Variants in HTR1F observed in about 807,000 individuals in gnomAD.
HTR1F encodes 5-hydroxytryptamine (serotonin) receptor 1F, G protein-coupled.
HTR1F carries 17 observed loss-of-function variants against 24.0 expected under a neutral mutation model. The observed-to-expected ratio is 0.71, with a 90% CI of 0.48 to 1.06. HTR1F has a LOEUF of 1.06. Among genes scored for constraint, HTR1F ranks in the 50% least tolerant of loss-of-function variants. HTR1F has a pLI of 0.00. For synonymous variants in HTR1F, 186 were observed against 156.8 expected (o/e 1.19, Z -1.39); for missense variants, 391 against 427.8 (o/e 0.91, Z 0.76).
In HTR1F at chr3:87,991,220, T is replaced by G. The variant is rs149370975; in HGVS notation, c.471T>G (p.Pro157=). 42 of 1,613,992 alleles carry G rather than the reference T, an allele frequency of 2.6e-5. No homozygotes were observed. In the East Asian group the frequency reaches 5.3e-4, roughly 21 times the overall value. ...VWIISVFISM[P]PLFWRHQGTS... ...TTATATCTGTTTTTATCTCTATGCC[T>G]CCTCTATTCTGGAGGCACCAAGGAA... Residue 157 remains proline, a synonymous_variant, in exon 3 of 3, where the codon CCT becomes CCG. Coordinates refer to ENST00000319595, the MANE Select transcript of HTR1F (RefSeq NM_001322209.2).
At chr3:87,982,611 G>A (rs1387012662) in intron 2 of HTR1F, among the ~76,000 whole-genome samples, 2 of 152,146 alleles carry the variant, frequency 1.3e-5, no homozygotes, top group African/African-American at 4.8e-5. Context: ...GCAGAGTCAA[G>A]AGCCTGGAGG....
intron 2 of HTR1F, among the ~76,000 whole-genome samples, chr3:87,937,689 T>C (rs1276882237): frequency 6.6e-6 from 1 of 151,990 alleles, no homozygotes; most frequent in African/African-American, 2.4e-5. Flanking sequence ...TTTGGGAGGA[T>C]GAGGCAGGAG....
In HTR1F at chr3:87,991,069, G is replaced by T; in HGVS notation, c.320G>T (p.Cys107Phe). The T allele has an allele frequency of 6.2e-7, 1 of 1,613,890 alleles. No homozygotes were observed. The change falls in exon 3 of 3, where the codon TGC (cysteine) becomes TTC (phenylalanine). Residue 107 changes from cysteine (C) to phenylalanine (F), a missense_variant. By Grantham distance (205) the Cys-to-Phe change is radical (BLOSUM62 -2). Coordinates refer to ENST00000319595, the MANE Select transcript of HTR1F (RefSeq NM_001322209.2). Reference sequence around the variant, plus strand: ...TGGCTGAGTGTTGACATTACCTGCTGCACGTGCTCCATCTTGCATCTCTCA... The same window carrying T: ...TGGCTGAGTGTTGACATTACCTGCTTCACGTGCTCCATCTTGCATCTCTCA... ...DIWLSVDITCCTCSILHLSAI... is the reference protein window; with the variant it reads ...DIWLSVDITCFTCSILHLSAI...
rs1394060547 is a variant in HTR1F at position 87,900,214 on chromosome 3, TAA to T, written c.-43+78092_-43+78093del. 3.9e-5 allele frequency among the ~76,000 whole-genome samples: 6 copies of T among 152,296 alleles called. No homozygotes were observed. In the South Asian group the frequency reaches 1.0e-3, roughly 26 times the overall value. On this transcript the variant is annotated intron_variant, in intron 2 of 2. Coordinates refer to ENST00000319595, the MANE Select transcript of HTR1F (RefSeq NM_001322209.2). ...TATAATTTTAAACAACACAGTCAGA[TAA>T]AGTCTCGTGGATGGGATGCCATTTA... is the stretch of plus-strand genomic sequence containing the variant.
intron 2 of HTR1F, among the ~76,000 whole-genome samples, chr3:87,958,192 T>C (rs1704985181): frequency 6.6e-6 from 1 of 151,638 alleles, no homozygotes; most frequent in Admixed American, 6.6e-5. Context: ...GTTAAATATC[T>C]TATGTGTATT....
At chr3:87,804,479 A>G (rs1320213213) in intron 1 of HTR1F, among the ~76,000 whole-genome samples, 1 of 152,134 alleles carries the variant, frequency 6.6e-6, no homozygotes, top group Non-Finnish European at 1.5e-5. Flanking sequence ...TGAATAGTGT[A>G]TCTTAGCTTT....
chr3:87,920,029 T>TTATATATATATA (rs74326472), intron 2 of HTR1F, among the ~76,000 whole-genome samples: 3,225 of 141,848 alleles, frequency 0.023, 43 homozygotes, highest in Non-Finnish European at 0.026. Context: ...ATATGTAATA[T>TTATATATATATA]TATATATATA....
intron 2 of HTR1F, among the ~76,000 whole-genome samples, chr3:87,863,831 T>G (rs1705367200): frequency 6.6e-6 from 1 of 152,232 alleles, no homozygotes; most frequent in South Asian, 2.1e-4. Flanking sequence ...ATTAAAATAA[T>G]GCATATTTAT....
chr3:87,908,649 C>T (rs777315254), intron 2 of HTR1F, among the ~76,000 whole-genome samples: 24 of 151,936 alleles, frequency 1.6e-4, no homozygotes, highest in Non-Finnish European at 3.2e-4. Flanking sequence ...TTAAATCTGG[C>T]ACCCTACATT....
intron 1 of HTR1F, among the ~76,000 whole-genome samples, chr3:87,805,003 A>T (rs2107079306): frequency 6.6e-6 from 1 of 152,136 alleles, no homozygotes; most frequent in South Asian, 2.1e-4. Context: ...TTCTAGAGTC[A>T]ACCTTTTGAT....
chr3:87,802,693 G>A (rs539507258), intron 1 of HTR1F, among the ~76,000 whole-genome samples: 15 of 152,246 alleles, frequency 9.9e-5, no homozygotes, highest in Admixed American at 9.8e-4. Context: ...TTCCTGACCA[G>A]TGTATTAATA....
At chr3:87,876,903 G>T (rs890860335) in intron 2 of HTR1F, among the ~76,000 whole-genome samples, 2 of 151,942 alleles carry the variant, frequency 1.3e-5, no homozygotes, top group Non-Finnish European at 2.9e-5. Flanking sequence ...CTACTGTACT[G>T]TACACTTAAA....
chr3:87,890,961 C>T (rs1429518372), intron 2 of HTR1F, among the ~76,000 whole-genome samples: 2 of 151,794 alleles, frequency 1.3e-5, no homozygotes, highest in African/African-American at 4.8e-5. Flanking sequence ...CCCACCTCAG[C>T]CTCCCAAGTA....
chr3:87,948,960 A>C (rs1283780772), intron 2 of HTR1F, among the ~76,000 whole-genome samples: 2 of 152,214 alleles, frequency 1.3e-5, no homozygotes, highest in South Asian at 2.1e-4. Context: ...CTTATTCAGC[A>C]GTATATTTAT....
At chr3:87,987,725 ATATGTATT>A (rs1705699981) in intron 2 of HTR1F, among the ~76,000 whole-genome samples, 1 of 92,900 alleles carries the variant, frequency 1.1e-5, no homozygotes, top group South Asian at 3.0e-4. Flanking sequence ...TGTATTTTAT[ATATGTATT>A]TTATATATAT....
intron 2 of HTR1F, among the ~76,000 whole-genome samples, chr3:87,899,215 T>A (rs1228261297): frequency 6.6e-6 from 1 of 152,188 alleles, no homozygotes; most frequent in East Asian, 1.9e-4. Flanking sequence ...GCAACTGATA[T>A]CCTCAGTCTC....
intron 2 of HTR1F, among the ~76,000 whole-genome samples, chr3:87,891,165 C>A (rs1208911771): frequency 6.6e-6 from 1 of 152,040 alleles, no homozygotes; most frequent in Non-Finnish European, 1.5e-5. Flanking sequence ...TGTCCAAGAA[C>A]ATTTTATGCA....
At chr3:87,989,712 A>G (rs1007532697) in intron 2 of HTR1F, among the ~76,000 whole-genome samples, 1 of 152,194 alleles carries the variant, frequency 6.6e-6, no homozygotes, top group African/African-American at 2.4e-5. Flanking sequence ...ATATTTTCTT[A>G]TATTGCATCA....
intron 1 of HTR1F, among the ~76,000 whole-genome samples, chr3:87,813,360 G>A (rs1267532697): frequency 1.3e-5 from 2 of 152,176 alleles, no homozygotes; most frequent in Non-Finnish European, 2.9e-5. Flanking sequence ...CTTTGTTTTG[G>A]CCAATTTCAC....
Sources: gnomAD v4.1 joint callset for allele counts (sites outside exome capture counted in the v4.1 genomes callset) on GRCh38, gnomAD v4.1.1 for gene constraint, MANE v1.5 for transcripts, NCBI Gene and HGNC (gene_info 2026-07-23, HGNC 2026-07-21) for gene names.